Variants in CSMD1 observed in about 807,000 individuals in gnomAD.
The protein encoded by CSMD1 is CUB and sushi domain-containing protein 1.
In CSMD1, 213 loss-of-function variants were observed where a neutral mutation model predicts 417.5. The observed-to-expected ratio is 0.51, with a 90% CI of 0.46 to 0.57. The LOEUF (loss-of-function observed/expected upper bound fraction) is 0.57. Among genes scored for constraint, CSMD1 ranks in the 20% least tolerant of loss-of-function variants. CSMD1 has a pLI of 0.00. For synonymous variants in CSMD1, 2,862 were observed against 1,736.8 expected (o/e 1.65, Z -16.11); for missense variants, 6,923 against 4,529.7 (o/e 1.53, Z -15.17).
At chr8:3,720,952 A>T (rs1017670987) in intron 6 of CSMD1, among the ~76,000 whole-genome samples, 1 of 151,960 alleles carries the variant, frequency 6.6e-6, no homozygotes, top group African/African-American at 2.4e-5. Flanking sequence ...ACTAGCTGGG[A>T]TTACAGGCAC....
At chr8:3,528,755 A>C (rs944770537) in intron 10 of CSMD1, among the ~76,000 whole-genome samples, 1 of 152,222 alleles carries the variant, frequency 6.6e-6, no homozygotes, top group African/African-American at 2.4e-5. Context: ...TGCTGAGACT[A>C]TTAATTTCCT....
At chr8:4,763,770 C>T (rs1395822740) in intron 1 of CSMD1, among the ~76,000 whole-genome samples, 2 of 152,144 alleles carry the variant, frequency 1.3e-5, no homozygotes, top group Non-Finnish European at 2.9e-5. Flanking sequence ...GCAGTCGTTT[C>T]TAACTATATG....
chr8:3,802,102 A>G (rs998092089), intron 5 of CSMD1, among the ~76,000 whole-genome samples: 9 of 152,200 alleles, frequency 5.9e-5, no homozygotes, highest in African/African-American at 2.2e-4. Context: ...TTATCTTAAT[A>G]ACATTGTTTT....
At chr8:4,042,123 C>G (rs1369327205) in intron 3 of CSMD1, among the ~76,000 whole-genome samples, 1 of 151,974 alleles carries the variant, frequency 6.6e-6, no homozygotes, top group Non-Finnish European at 1.5e-5. Flanking sequence ...GAAAAGGAAA[C>G]AAATTACCTA....
chr8:3,978,653 G>A (rs1045761179), intron 5 of CSMD1, among the ~76,000 whole-genome samples: 2 of 152,008 alleles, frequency 1.3e-5, no homozygotes, highest in African/African-American at 4.8e-5. Context: ...CCACCTCCTC[G>A]TGGTGATGAT....
chr8:4,105,788 T>G (rs553236371), intron 3 of CSMD1, among the ~76,000 whole-genome samples: 1 of 152,172 alleles, frequency 6.6e-6, no homozygotes, highest in Non-Finnish European at 1.5e-5. Context: ...CTCTACAGCG[T>G]TGAAAAGTGT....
At chr8:3,269,614 T>C (rs1403895201) in intron 26 of CSMD1, among the ~76,000 whole-genome samples, 2 of 152,212 alleles carry the variant, frequency 1.3e-5, no homozygotes, top group African/African-American at 4.8e-5. Flanking sequence ...GAAACATGGT[T>C]GCAGAGCCAT....
intron 1 of CSMD1, among the ~76,000 whole-genome samples, chr8:4,736,969 C>T (rs1810285033): frequency 6.6e-6 from 1 of 152,154 alleles, no homozygotes; most frequent in Non-Finnish European, 1.5e-5. Context: ...TATTTATTCT[C>T]TCATGGCTGC....
intron 50 of CSMD1, among the ~76,000 whole-genome samples, chr8:3,046,315 T>C (rs553485649): frequency 5.1e-4 from 78 of 152,008 alleles, no homozygotes; most frequent in African/African-American, 1.8e-3. Context: ...AGGGAATGAG[T>C]GTGAGAGCAA....
At chr8:4,070,206 G>A (rs922429179) in intron 3 of CSMD1, among the ~76,000 whole-genome samples, 2 of 151,540 alleles carry the variant, frequency 1.3e-5, no homozygotes, top group Non-Finnish European at 2.9e-5. Context: ...TTTTTTCTGT[G>A]TTTCTTGTCT....
At chr8:3,991,496 C>G (rs535712331) in intron 5 of CSMD1, among the ~76,000 whole-genome samples, 1 of 151,970 alleles carries the variant, frequency 6.6e-6, no homozygotes, top group African/African-American at 2.4e-5. Flanking sequence ...TATGTTATAC[C>G]CAGAAATATG....
At chr8:3,581,010 T>G (rs1312089671) in intron 9 of CSMD1, among the ~76,000 whole-genome samples, 1 of 152,170 alleles carries the variant, frequency 6.6e-6, no homozygotes, top group Non-Finnish European at 1.5e-5. Context: ...AGCTCACAGG[T>G]AACCACAGTT....
rs565552040 is a variant in CSMD1, at chr8:3,139,164, C to G, written c.6241+3301G>C. On this transcript the variant is annotated intron_variant, in intron 41 of 69. Coordinates refer to ENST00000635120, the MANE Select transcript of CSMD1 (RefSeq NM_033225.6). ...ATTCCCAGAGGAGGTGGAAAACAAA[C>G]ATTGTGTCCTGGCGCTTGCAGAAGA... Among the ~76,000 whole-genome samples, 22 of 152,300 alleles carry G rather than the reference C, an allele frequency of 1.4e-4. No homozygotes were observed. In the Middle Eastern group the frequency reaches 0.024, roughly 165 times the overall value.
In CSMD1 at chr8:4,217,290, T is replaced by C. The variant is rs555715264; in HGVS notation, c.416-185191A>G. Among the ~76,000 whole-genome samples the C allele has an allele frequency of 2.6e-5, 4 of 152,352 alleles. No homozygotes were observed. In the South Asian group the frequency reaches 8.3e-4, roughly 32 times the overall value. ...GCAGAAGTCTTTCATATAAGCCAAGTGTCCATGCAAGCACTGTGAATCCCC... is the reference window on the plus strand; with the variant it reads ...GCAGAAGTCTTTCATATAAGCCAAGCGTCCATGCAAGCACTGTGAATCCCC... On this transcript the variant is annotated intron_variant, in intron 3 of 69. Coordinates refer to ENST00000635120, the MANE Select transcript of CSMD1 (RefSeq NM_033225.6).
intron 5 of CSMD1, among the ~76,000 whole-genome samples, chr8:3,803,812 A>G (rs145411908): frequency 8.1e-4 from 123 of 152,342 alleles, no homozygotes; most frequent in African/African-American, 2.5e-3. Context: ...TATGTGGAGA[A>G]TGGACCACTG....
intron 7 of CSMD1, among the ~76,000 whole-genome samples, chr8:3,687,084 A>C (rs1035179094): frequency 7.2e-5 from 11 of 152,204 alleles, no homozygotes; most frequent in African/African-American, 2.4e-4. Flanking sequence ...CAAATACCAA[A>C]TGTATGTCCA....
Position 3,181,182 on chromosome 8 carries a change from A to C in CSMD1, c.5653T>G (p.Ser1885Ala). The C allele has an allele frequency of 1.2e-6, 2 of 1,613,878 alleles. No homozygotes were observed. The highest frequency in any genetic ancestry group is 1.7e-6 in the Non-Finnish European group (2 of 1,179,822). Residue 1885 changes from serine (S) to alanine (A), a missense_variant, in exon 37 of 70, where the codon TCC (serine) becomes GCC (alanine). Physicochemically the swap from Ser to Ala is moderately conservative, Grantham distance 99 (BLOSUM62 1). Transcript: ENST00000635120. ...TGGAAATGCAGGTAGAGTTGGTTGG[A>C]AGTACTGTTCAGCAGTGCCGGTACT... ...TTVPALLNST[S>A]NQLYLHFQSD... is the part of the protein sequence containing the mutation.
rs538319750 is a variant in CSMD1, at chr8:4,948,853, G to C, written c.85+45479C>G. Among the ~76,000 whole-genome samples the C allele has an allele frequency of 2.6e-5, 4 of 152,184 alleles. No homozygotes were observed. In the South Asian group the frequency reaches 6.2e-4, roughly 24 times the overall value. On this transcript the variant is annotated intron_variant, in intron 1 of 69. Transcript: ENST00000635120. The stretch of plus-strand genomic sequence containing the variant: ...ATAAGGATTTTTAGAAAAGGTTATG[G>C]TGTGAATCTTTTCATTCCGATTTTA...
chr8:3,965,013 A>C (rs1049363209), intron 5 of CSMD1, among the ~76,000 whole-genome samples: 2 of 152,190 alleles, frequency 1.3e-5, no homozygotes, highest in Admixed American at 6.5e-5. Context: ...CTGTGTATAA[A>C]GTAGGTGATA....
Sources: allele counts gnomAD v4.1 joint callset (sites outside exome capture counted in the v4.1 genomes callset), GRCh38; gene constraint gnomAD v4.1.1; transcripts MANE v1.5; gene names NCBI Gene and HGNC (gene_info 2026-07-23, HGNC 2026-07-21).